Variants in PALM2AKAP2 observed in about 807,000 individuals in gnomAD.
PALM2AKAP2 encodes PALM2 and AKAP2 fusion, also known as PALM2-AKAP2 fusion protein.
Under a neutral mutation model 71.5 loss-of-function variants are expected in PALM2AKAP2, and 37 were observed. The ratio of observed to expected loss-of-function variants is 0.52; its 90% CI spans 0.40 to 0.68. PALM2AKAP2 has a LOEUF of 0.68. Ranked by LOEUF, PALM2AKAP2 falls within the 30% of genes least tolerant of loss-of-function variation. PALM2AKAP2 has a pLI of 0.00. For synonymous variants in PALM2AKAP2, 468 were observed against 478.8 expected (o/e 0.98, Z 0.29); for missense variants, 1,224 against 1,191.8 (o/e 1.03, Z -0.40).
At chr9:110,164,356 A>G (rs1302907125) in intron 3 of PALM2AKAP2, among the ~76,000 whole-genome samples, 2 of 152,198 alleles carry the variant, frequency 1.3e-5, no homozygotes, top group Non-Finnish European at 2.9e-5. Flanking sequence ...GTCCAAATTA[A>G]AATTTTCTAT....
intron 6 of PALM2AKAP2, among the ~76,000 whole-genome samples, chr9:109,992,132 A>G (rs1033796784): frequency 6.6e-6 from 1 of 152,126 alleles, no homozygotes; most frequent in South Asian, 2.1e-4. Context: ...TGGTAGGGCT[A>G]TACTCTCTCT....
At chr9:109,992,748 T>C (rs1832508243) in intron 6 of PALM2AKAP2, among the ~76,000 whole-genome samples, 5 of 152,090 alleles carry the variant, frequency 3.3e-5, no homozygotes, top group Admixed American at 3.3e-4. Flanking sequence ...ACTAGATGAC[T>C]TCTAGCATCT....
At chr9:109,730,898 G>A (rs2118658817) in intron 1 of PALM2AKAP2, among the ~76,000 whole-genome samples, 1 of 151,586 alleles carries the variant, frequency 6.6e-6, no homozygotes, top group East Asian at 1.9e-4. Context: ...GCGCTCATTT[G>A]CCAGTGGAAA....
intron 3 of PALM2AKAP2, among the ~76,000 whole-genome samples, chr9:110,164,551 G>T (rs1382219378): frequency 1.7e-4 from 21 of 120,100 alleles, no homozygotes; most frequent in Non-Finnish European, 3.2e-4. Context: ...TTTTTTTTGA[G>T]ACACCGTCTC....
At chr9:109,668,384 A>G (rs1827522450) in intron 1 of PALM2AKAP2, among the ~76,000 whole-genome samples, 1 of 152,244 alleles carries the variant, frequency 6.6e-6, no homozygotes, top group Non-Finnish European at 1.5e-5. Context: ...AGGAGGGCTT[A>G]CAATTAGCTC....
intron 1 of PALM2AKAP2, among the ~76,000 whole-genome samples, chr9:109,652,938 G>A (rs1384357753): frequency 6.6e-6 from 1 of 152,170 alleles, no homozygotes; most frequent in Admixed American, 6.5e-5. Context: ...CTAAGATGAG[G>A]TCAAAATCCA....
exon 2 of PALM2AKAP2, chr9:110,136,990 G>A: frequency 1.2e-6 from 2 of 1,614,126 alleles, no homozygotes; most frequent in Admixed American, 1.7e-5. Context: ...AAACCATCGA[G>A]GAGCAGCTGG....
intron 1 of PALM2AKAP2, among the ~76,000 whole-genome samples, chr9:109,852,910 T>C (rs1309276470): frequency 1.3e-5 from 2 of 152,196 alleles, no homozygotes; most frequent in Non-Finnish European, 2.9e-5. Context: ...TCAGTTCCTA[T>C]AGGTTCTGGA....
At chr9:110,096,170 C>T (rs1834830814) in intron 1 of PALM2AKAP2, among the ~76,000 whole-genome samples, 1 of 152,236 alleles carries the variant, frequency 6.6e-6, no homozygotes, top group African/African-American at 2.4e-5. Context: ...GCCTCTGGCT[C>T]TGGTGATGGC....
In PALM2AKAP2 at chr9:110,049,821, GT is replaced by G. The variant is rs1588077821; in HGVS notation, c.156+967del. 2.6e-5 allele frequency among the ~76,000 whole-genome samples: 4 copies of G among 152,366 alleles called. No individual in the cohort carries two copies. In the East Asian group the frequency reaches 7.7e-4, roughly 29 times the overall value. The stretch of plus-strand genomic sequence containing the variant: ...CCCGCAGCAGGGAGCTGTGGCGCTG[GT>G]GGCCGGGTGAGGACTGAAGGCAAAG... On this transcript the variant is annotated intron_variant, in intron 1 of 3. Coordinates refer to ENST00000374525, the Ensembl canonical transcript of PALM2AKAP2.
chr9:109,654,501 G>A (rs1353180293), intron 1 of PALM2AKAP2, among the ~76,000 whole-genome samples: 1 of 152,144 alleles, frequency 6.6e-6, no homozygotes, highest in Non-Finnish European at 1.5e-5. Context: ...TTGATTGCTT[G>A]GTAAAATGAT....
upstream of PALM2AKAP2, among the ~76,000 whole-genome samples, chr9:110,047,077 A>C (rs1833613696): frequency 6.6e-6 from 1 of 152,220 alleles, no homozygotes; most frequent in Non-Finnish European, 1.5e-5. Context: ...AAAAAAATGA[A>C]AAGGAAGAAA....
At chr9:109,948,449 T>C (rs754404227) in intron 6 of PALM2AKAP2, among the ~76,000 whole-genome samples, 1 of 152,246 alleles carries the variant, frequency 6.6e-6, no homozygotes, top group Non-Finnish European at 1.5e-5. Context: ...TTTTGGGGAC[T>C]GCAGACTTTC....
intron 7 of PALM2AKAP2, among the ~76,000 whole-genome samples, chr9:110,023,391 C>G (rs1035072149): frequency 1.4e-5 from 2 of 147,032 alleles, no homozygotes; most frequent in African/African-American, 5.1e-5. Flanking sequence ...CTCAGCTCAC[C>G]ACAACCTCTA....
At chr9:109,815,178 AG>A (rs1217141390) in intron 1 of PALM2AKAP2, among the ~76,000 whole-genome samples, 2 of 152,066 alleles carry the variant, frequency 1.3e-5, no homozygotes, top group African/African-American at 4.8e-5. Context: ...AAAGGGTGAG[AG>A]GTATGGAGAA....
At chr9:110,010,996 C>CAAAAAAAA (rs754903953) in intron 6 of PALM2AKAP2, among the ~76,000 whole-genome samples, 16 of 54,288 alleles carry the variant, frequency 2.9e-4, no homozygotes, top group African/African-American at 5.0e-4. Context: ...AACTCTGTCT[C>CAAAAAAAA]AAAAAAAAAA....
exon 2 of PALM2AKAP2, chr9:110,137,112 C>T: frequency 1.9e-6 from 3 of 1,613,400 alleles, no homozygotes; most frequent in Non-Finnish European, 2.5e-6. Flanking sequence ...CAGCAGCCCC[C>T]ATCGCAGCTC....
intron 1 of PALM2AKAP2, among the ~76,000 whole-genome samples, chr9:109,712,130 AT>A (rs1418835753): frequency 6.6e-6 from 1 of 152,160 alleles, no homozygotes; most frequent in African/African-American, 2.4e-5. Context: ...TTTTCACCCA[AT>A]AAAACAGGGG....
intron 3 of PALM2AKAP2, among the ~76,000 whole-genome samples, chr9:110,164,483 G>A (rs534054325): frequency 6.6e-6 from 1 of 150,568 alleles, no homozygotes; most frequent in South Asian, 2.1e-4. Context: ...AGACCTGAAT[G>A]TGAATTTGTG....
Sources: allele counts gnomAD v4.1 joint callset (sites outside exome capture counted in the v4.1 genomes callset), GRCh38; gene constraint gnomAD v4.1.1; transcripts MANE v1.5; gene names NCBI Gene and HGNC (gene_info 2026-07-23, HGNC 2026-07-21).